Variants in PDE7A observed in about 807,000 individuals in gnomAD.
PDE7A encodes the protein high affinity 3',5'-cyclic-AMP phosphodiesterase 7A.
Under a neutral mutation model 64.3 loss-of-function variants are expected in PDE7A, and 39 were observed. The observed-to-expected ratio is 0.61, with a 90% CI of 0.47 to 0.79. The LOEUF (loss-of-function observed/expected upper bound fraction) is 0.79, where lower values mean the gene tolerates loss of function less well. Among genes scored for constraint, PDE7A ranks in the 30% least tolerant of loss-of-function variants. PDE7A has a pLI of 0.00. For synonymous variants in PDE7A, 203 were observed against 206.8 expected (o/e 0.98, Z 0.16); for missense variants, 470 against 582.8 (o/e 0.81, Z 1.99).
intron 3 of PDE7A, among the ~76,000 whole-genome samples, chr8:65,774,667 C>T (rs181070483): frequency 2.6e-5 from 4 of 151,234 alleles, no homozygotes; most frequent in African/African-American, 9.7e-5. Flanking sequence ...ATATATAAAA[C>T]AAAATTTATT....
chr8:65,736,577 C>T (rs968158524), intron 6 of PDE7A, among the ~76,000 whole-genome samples: 2 of 151,994 alleles, frequency 1.3e-5, no homozygotes, highest in Admixed American at 1.3e-4. Flanking sequence ...ATTAGCAAGA[C>T]CTTGTCCCTA....
At position 65,841,356 on chromosome 8, in the gene PDE7A, G is replaced by A. The variant is rs755205745; in HGVS notation, c.138+15C>T. 2.8e-5 allele frequency: 43 copies of A among 1,526,676 alleles called. No individual in the cohort carries two copies. Among genetic ancestry groups the A allele is most frequent in the Admixed American group, 4.4e-5 (2 of 45,534 alleles). 94.6% of individuals were successfully genotyped at this position (1,526,676 alleles called of 1,614,324 possible). A position where few individuals can be genotyped will look rare whatever the true frequency, so the allele number is the denominator to read the frequency against. Reference sequence around the variant, plus strand: ...GAGAGAAGCCCTCAAGTGTGGGCCCGGCGGCGGCGATTACCTGAGAGAGCT... The same window carrying A: ...GAGAGAAGCCCTCAAGTGTGGGCCCAGCGGCGGCGATTACCTGAGAGAGCT... On this transcript the variant is annotated intron_variant, in intron 1 of 12. Coordinates refer to ENST00000401827, the MANE Select transcript of PDE7A (RefSeq NM_001242318.3).
intron 1 of PDE7A, among the ~76,000 whole-genome samples, chr8:65,812,807 C>T (rs1309096716): frequency 3.3e-5 from 5 of 152,126 alleles, no homozygotes; most frequent in African/African-American, 4.8e-5. Flanking sequence ...TAATGAGATA[C>T]CTTTTTATTT....
chr8:65,770,119 TTCTGTGTGTG>T (rs1157598695), intron 3 of PDE7A, among the ~76,000 whole-genome samples: 1 of 120,514 alleles, frequency 8.3e-6, no homozygotes, highest in African/African-American at 3.5e-5. Flanking sequence ...TGCAGTATAC[TTCTGTGTGTG>T]TGTGTGTGTG....
chr8:65,840,273 A>G (rs1811048463), intron 1 of PDE7A, among the ~76,000 whole-genome samples: 1 of 152,212 alleles, frequency 6.6e-6, no homozygotes, highest in African/African-American at 2.4e-5. Flanking sequence ...AAAAGGATTC[A>G]GAGAGAGACC....
chr8:65,786,898 A>T (rs1209511984), intron 1 of PDE7A, among the ~76,000 whole-genome samples: 1 of 152,230 alleles, frequency 6.6e-6, no homozygotes. Context: ...GTTAAACTGT[A>T]AAGCACCAAA....
intron 9 of PDE7A, among the ~76,000 whole-genome samples, chr8:65,726,516 T>C (rs1428136423): frequency 3.3e-5 from 5 of 152,192 alleles, no homozygotes; most frequent in Non-Finnish European, 7.4e-5. Flanking sequence ...TTACATTCCA[T>C]CCAATTTACC....
intron 3 of PDE7A, among the ~76,000 whole-genome samples, chr8:65,762,111 A>T (rs1027738019): frequency 3.9e-5 from 6 of 152,120 alleles, no homozygotes; most frequent in Admixed American, 1.3e-4. Context: ...ATTGTTTAAA[A>T]TTTTTTTAAT....
Position 65,811,713 on chromosome 8 carries a change from TA to T in PDE7A, c.139-28871del, listed in dbSNP as rs140371621. ...AAACTACAAATTCAAACAATTCCAG[TA>T]AAAATACTTGGTGTGTAGTTAGAGG... On this transcript the variant is annotated intron_variant, in intron 1 of 12. Transcript: ENST00000401827. Among the ~76,000 whole-genome samples, 952 of 152,134 alleles carry T rather than the reference TA, an allele frequency of 6.3e-3. 13 individuals carry two copies. The highest frequency in any genetic ancestry group is 0.022 in the African/African-American group (892 of 41,488).
intron 3 of PDE7A, among the ~76,000 whole-genome samples, chr8:65,766,629 C>T (rs1724821996): frequency 1.3e-5 from 2 of 152,300 alleles, no homozygotes; most frequent in Middle Eastern, 3.4e-3. Context: ...TTCCTCTCTC[C>T]CATGCATCAC....
At chr8:65,821,305 A>C (rs549987423) in intron 1 of PDE7A, among the ~76,000 whole-genome samples, 7 of 152,328 alleles carry the variant, frequency 4.6e-5, no homozygotes, top group African/African-American at 1.7e-4. Context: ...AAATCTGTCT[A>C]AAGAAGGATG....
At chr8:65,834,973 C>A (rs891882336) in intron 1 of PDE7A, among the ~76,000 whole-genome samples, 3 of 152,148 alleles carry the variant, frequency 2.0e-5, no homozygotes, top group Admixed American at 6.5e-5. Context: ...TGCAAATATA[C>A]CTGAATGCAA....
At chr8:65,815,568 GAT>G (rs1199244866) in intron 1 of PDE7A, among the ~76,000 whole-genome samples, 3 of 152,146 alleles carry the variant, frequency 2.0e-5, no homozygotes, top group African/African-American at 7.2e-5. Context: ...AAAAAAGAGA[GAT>G]GTGTTCATTT....
intron 1 of PDE7A, among the ~76,000 whole-genome samples, chr8:65,812,214 A>AG (rs1810274057): frequency 6.7e-6 from 1 of 149,300 alleles, no homozygotes; most frequent in Non-Finnish European, 1.5e-5. Flanking sequence ...CAAAAACAGA[A>AG]AAAAAAAAAA....
At chr8:65,745,494 TACTGTAATTTA>T in intron 4 of PDE7A, 24 bp from the exon 5 acceptor site, 1 of 1,312,396 alleles carries the variant, frequency 7.6e-7, no homozygotes, top group Non-Finnish European at 1.1e-6. Flanking sequence ...CAAACATTTC[TACTGTAATTTA>T]ATTTCAATAA....
chr8:65,841,129 TG>T (rs759764474), intron 1 of PDE7A, among the ~76,000 whole-genome samples: 46 of 152,148 alleles, frequency 3.0e-4, no homozygotes, highest in Non-Finnish European at 5.3e-4. Context: ...GTGACGAGCC[TG>T]GGGAGGGTCT....
chr8:65,789,961 T>C (rs528928879), intron 1 of PDE7A, among the ~76,000 whole-genome samples: 37 of 152,320 alleles, frequency 2.4e-4, no homozygotes, highest in African/African-American at 7.9e-4. Context: ...CTGTAACAAA[T>C]GCGATGAAGC....
chr8:65,727,289 C>A lies in PDE7A; in HGVS notation c.709G>T (p.Val237Leu). The part of the protein sequence containing the change: ...YLKEPKLANS[V>L]TPWDILLSLI... The stretch of plus-strand genomic sequence containing the variant: ...CTCAGCAAGATATCCCAAGGAGTTA[C>A]AGAATTGGCAAGCTGAAGTGTGACA... The change falls in exon 8 of 13, where the codon GTA becomes TTA. Residue 237 changes from valine to leucine, a missense_variant. Val to Leu is a conservative substitution (Grantham distance 32, BLOSUM62 1). Coordinates refer to ENST00000401827, the MANE Select transcript of PDE7A (RefSeq NM_001242318.3). The A allele has an allele frequency of 6.2e-7, 1 of 1,612,412 alleles. No homozygotes were observed. The highest frequency in any genetic ancestry group is 8.5e-7 in the Non-Finnish European group (1 of 1,178,538).
At chr8:65,812,881 A>G (rs1481563118) in intron 1 of PDE7A, among the ~76,000 whole-genome samples, 3 of 152,182 alleles carry the variant, frequency 2.0e-5, no homozygotes, top group Non-Finnish European at 4.4e-5. Context: ...AAGGGTATGG[A>G]GATAACGAGA....
Sources: gnomAD v4.1 joint callset for allele counts (sites outside exome capture counted in the v4.1 genomes callset) on GRCh38, gnomAD v4.1.1 for gene constraint, MANE v1.5 for transcripts, NCBI Gene and HGNC (gene_info 2026-07-23, HGNC 2026-07-21) for gene names.